The following P4HA3 variants were observed in gnomAD, a reference collection of about 807,000 sequenced individuals.
P4HA3 encodes the protein prolyl 4-hydroxylase subunit alpha 3.
P4HA3 carries 60 observed loss-of-function variants against 66.7 expected under a neutral mutation model. That is an observed-to-expected ratio of 0.90 (90% CI 0.73 to 1.12). The LOEUF (loss-of-function observed/expected upper bound fraction) is 1.12, where lower values mean the gene tolerates loss of function less well. Among genes scored for constraint, P4HA3 ranks in the 50% most tolerant of loss-of-function variants. The pLI is 0.00. For synonymous variants in P4HA3, 263 were observed against 274.6 expected (o/e 0.96, Z 0.42); for missense variants, 683 against 685.8 (o/e 1.00, Z 0.05).
At position 74,311,517 on chromosome 11, in the gene P4HA3, G is replaced by T; in HGVS notation, c.95C>A (p.Ser32Ter). The T allele has an allele frequency of 6.5e-7, 1 of 1,541,642 alleles. No homozygotes were observed. The highest frequency in any genetic ancestry group is 2.5e-5 in the East Asian group (1 of 40,598). ...ERAAARGDTF[S>*]ALTSVARALA... is the part of the protein sequence containing the mutation. Reference sequence around the variant, plus strand: ...GGCGCGCGCCACGCTGGTCAGCGCCGAGAACGTGTCGCCCCGAGCCGCAGC... The same window carrying T: ...GGCGCGCGCCACGCTGGTCAGCGCCTAGAACGTGTCGCCCCGAGCCGCAGC... Residue 32 changes from serine to a stop codon, truncating the protein, a stop_gained, in exon 1 of 13, where the codon TCG becomes TAG. Transcript: ENST00000331597. LOFTEE classifies it high-confidence loss of function.
chr11:74,307,672 T>C (rs1023681662), intron 1 of P4HA3, among the ~76,000 whole-genome samples: 3 of 152,230 alleles, frequency 2.0e-5, no homozygotes, highest in Non-Finnish European at 4.4e-5. Flanking sequence ...CAGGGTTTCC[T>C]AAATGTCTTT....
At chr11:74,258,998 C>T (rs771523852) in intron 15 of P4HA3, among the ~76,000 whole-genome samples, 23 of 152,200 alleles carry the variant, frequency 1.5e-4, no homozygotes, top group Admixed American at 4.6e-4. Flanking sequence ...CAATTCTACC[C>T]CTACTCCTGC....
chr11:74,303,042 CCTGGGCTCAAGTGAGCCT>C (rs1233225731), intron 2 of P4HA3, among the ~76,000 whole-genome samples: 1 of 151,868 alleles, frequency 6.6e-6, no homozygotes, highest in Non-Finnish European at 1.5e-5. Flanking sequence ...ATCTTGAATT[CCTGGGCTCAAGTGAGCCT>C]CTCACCTCAG....
At chr11:74,273,692 A>G in intron 9 of P4HA3, 85 bp from the exon 10 acceptor site, 1 of 1,090,946 alleles carries the variant, frequency 9.2e-7, no homozygotes, top group African/African-American at 1.6e-5. Flanking sequence ...TACAAATAGA[A>G]GTAAAATGGG....
intron 7 of P4HA3, among the ~76,000 whole-genome samples, chr11:74,282,034 C>T (rs1406720414): frequency 1.3e-5 from 2 of 151,314 alleles, no homozygotes; most frequent in East Asian, 3.9e-4. Context: ...TGCCTCCATC[C>T]ATTGTCCCTG....
intron 4 of P4HA3, among the ~76,000 whole-genome samples, chr11:74,296,505 T>C (rs974541538): frequency 6.6e-5 from 10 of 152,144 alleles, no homozygotes; most frequent in African/African-American, 2.4e-4. Context: ...ATGTGTTCTG[T>C]TACTGGGGAA....
intron 8 of P4HA3, 125 bp from the exon 9 acceptor site, chr11:74,277,269 G>A (rs1460438117): frequency 1.3e-5 from 16 of 1,211,724 alleles, no homozygotes; most frequent in Non-Finnish European, 1.7e-5. Flanking sequence ...GAAGGAAGGA[G>A]GAAAGAGAGG....
chr11:74,278,638 A>G (rs956175181), intron 8 of P4HA3, among the ~76,000 whole-genome samples: 1 of 152,202 alleles, frequency 6.6e-6, no homozygotes, highest in African/African-American at 2.4e-5. Flanking sequence ...ACACTAGAAT[A>G]TCAGAAAGGT....
At chr11:74,304,928 C>G (rs1001028835) in intron 1 of P4HA3, among the ~76,000 whole-genome samples, 1 of 152,084 alleles carries the variant, frequency 6.6e-6, no homozygotes, top group Non-Finnish European at 1.5e-5. Context: ...CACCTCAGAT[C>G]ATCAGGTACC....
rs773529715 is a variant in P4HA3, at chr11:74,251,728, C to T, written c.*1319-3727G>A. The T allele has an allele frequency of 4.3e-6, 7 of 1,613,752 alleles. No homozygotes were observed. The African/African-American group carries it at 6.7e-5, about 15-fold the overall frequency. ...GTGGATTCCAGTGGTAAGGCGGGTACAAGGGTTTAAGAACCCAGCAGTGCT... is the reference window on the plus strand; with the variant it reads ...GTGGATTCCAGTGGTAAGGCGGGTATAAGGGTTTAAGAACCCAGCAGTGCT... On this transcript the variant is annotated intron_variant and NMD_transcript_variant, in intron 15 of 15. Transcript: ENST00000524388.
At chr11:74,282,637 T>C (rs992208794) in intron 7 of P4HA3, among the ~76,000 whole-genome samples, 1 of 151,770 alleles carries the variant, frequency 6.6e-6, no homozygotes, top group Non-Finnish European at 1.5e-5. Flanking sequence ...AGGGCTTGAG[T>C]GGTCAGACCT....
At chr11:74,308,549 A>G (rs146732657) in intron 1 of P4HA3, among the ~76,000 whole-genome samples, 177 of 152,272 alleles carry the variant, frequency 1.2e-3, no homozygotes, top group Non-Finnish European at 8.5e-4. Context: ...TTAAAAAGCA[A>G]ACATTTCACT....
chr11:74,289,146 AAAAG>A lies in P4HA3; in HGVS notation c.718-20_718-17del. On this transcript the variant is annotated splice_polypyrimidine_tract_variant and intron_variant, in intron 4 of 12. Coordinates refer to ENST00000331597, the MANE Select transcript of P4HA3 (RefSeq NM_182904.5). ...CATTTCCTGCCTGTTAAAAAAAAAAAAAAGAAAAGAAAGCATTAACTTCACTGAG... is the reference window on the plus strand; with the variant it reads ...CATTTCCTGCCTGTTAAAAAAAAAAAAAAAGAAAGCATTAACTTCACTGAG... 3 of 1,567,030 alleles carry A rather than the reference AAAAG, an allele frequency of 1.9e-6. No individual in the cohort carries two copies. Among genetic ancestry groups the A allele is most frequent in the South Asian group, 1.2e-5 (1 of 83,020 alleles).
intron 4 of P4HA3, among the ~76,000 whole-genome samples, chr11:74,293,163 G>C (rs544938947): frequency 5.1e-4 from 77 of 152,016 alleles, no homozygotes; most frequent in African/African-American, 1.8e-3. Flanking sequence ...AGGATAGTTA[G>C]CTCTTCTTGT....
intron 9 of P4HA3, 144 bp from the exon 10 acceptor site, chr11:74,273,751 G>T: frequency 1.9e-6 from 1 of 527,212 alleles, no homozygotes; most frequent in Non-Finnish European, 2.9e-6. Context: ...TGGAGTATGT[G>T]CCCGTCTTTG....
At chr11:74,300,015 G>A (rs978499404) in intron 3 of P4HA3, among the ~76,000 whole-genome samples, 80 of 152,324 alleles carry the variant, frequency 5.3e-4, no homozygotes, top group African/African-American at 1.9e-3. Flanking sequence ...CTCTGTGTAA[G>A]AATATTCTCA....
At chr11:74,278,411 G>A (rs989064396) in intron 8 of P4HA3, among the ~76,000 whole-genome samples, 4 of 152,220 alleles carry the variant, frequency 2.6e-5, no homozygotes, top group African/African-American at 9.6e-5. Flanking sequence ...TGGGTACTCA[G>A]TGAAGGTGTG....
chr11:74,273,148 C>G (rs1860264415), intron 10 of P4HA3, among the ~76,000 whole-genome samples: 1 of 152,202 alleles, frequency 6.6e-6, no homozygotes, highest in South Asian at 2.1e-4. Flanking sequence ...ATCTCCCTCC[C>G]CACAGCCCCA....
At position 74,273,585 on chromosome 11, in the gene P4HA3, C is replaced by A; in HGVS notation, c.1358G>T (p.Arg453Ile). The A allele has an allele frequency of 6.4e-7, 1 of 1,565,966 alleles. No homozygotes were observed. Among genetic ancestry groups the A allele is most frequent in the Non-Finnish European group, 8.6e-7 (1 of 1,159,410 alleles). ...TGCAACTCGGTTTCCTGACTTCATT[C>A]TGTAGAGGGGGCTGCTTGGTGACTG... ...HATSPSSPLY[R>I]MKSGNRVATF... Residue 453 changes from arginine to isoleucine, a missense_variant, in exon 10 of 13, where the codon AGA (arginine) becomes ATA (isoleucine). Arg to Ile is a moderately conservative substitution (Grantham distance 97). Coordinates refer to ENST00000331597, the MANE Select transcript of P4HA3 (RefSeq NM_182904.5).
Sources: allele counts gnomAD v4.1 joint callset (sites outside exome capture counted in the v4.1 genomes callset), GRCh38; gene constraint gnomAD v4.1.1; transcripts MANE v1.5; gene names NCBI Gene and HGNC (gene_info 2026-07-23, HGNC 2026-07-21).